Variants in CCDC62 observed in about 807,000 individuals in gnomAD.
CCDC62 encodes coiled-coil domain containing 62.
Under a neutral mutation model 80.8 loss-of-function variants are expected in CCDC62, and 72 were observed. That is an observed-to-expected ratio of 0.89 (90% CI 0.74 to 1.08). The LOEUF (loss-of-function observed/expected upper bound fraction) is 1.08. Among genes scored for constraint, CCDC62 ranks in the 50% least tolerant of loss-of-function variants. The probability of loss-of-function intolerance (pLI) is 0.00; values close to 1 mark genes in which losing one functional copy is unlikely to be tolerated. For missense variants in CCDC62, 704 were observed against 809.4 expected (o/e 0.87, Z 1.58); for synonymous variants, 286 against 296.5 (o/e 0.96, Z 0.36).
intron 6 of CCDC62, among the ~76,000 whole-genome samples, chr12:122,796,122 T>C (rs2030940197): frequency 6.6e-6 from 1 of 152,176 alleles, no homozygotes; most frequent in South Asian, 2.1e-4. Flanking sequence ...AAGTAGATTA[T>C]TCTGAAATCA....
At chr12:122,787,449 TCA>T (rs77955097) in intron 4 of CCDC62, among the ~76,000 whole-genome samples, 4 of 22,628 alleles carry the variant, frequency 1.8e-4, no homozygotes, top group African/African-American at 8.6e-4. Context: ...AGACTCTGTC[TCA>T]AAAAAAAAAA....
chr12:122,807,087 G>A (rs377369342), intron 10 of CCDC62, among the ~76,000 whole-genome samples: 1 of 151,986 alleles, frequency 6.6e-6, no homozygotes, highest in East Asian at 1.9e-4. Context: ...GAAAATGTGT[G>A]GCAAGGTACA....
At chr12:122,800,164 C>CTT (rs59113229) in intron 8 of CCDC62, among the ~76,000 whole-genome samples, 1,154 of 104,960 alleles carry the variant, frequency 0.011, 53 homozygotes, top group African/African-American at 0.037. Context: ...TGCCCGGCTA[C>CTT]TTTTTTTTTT....
At chr12:122,788,689 G>A in intron 4 of CCDC62, 69 bp from the exon 5 acceptor site, 1 of 990,652 alleles carries the variant, frequency 1.0e-6, no homozygotes. Context: ...AGATCTTAGT[G>A]TTATCTTTTC....
intron 6 of CCDC62, among the ~76,000 whole-genome samples, chr12:122,793,279 G>GT (rs1321047965): frequency 6.6e-6 from 1 of 152,034 alleles, no homozygotes; most frequent in Non-Finnish European, 1.5e-5. Flanking sequence ...CTGAGGGTAG[G>GT]TATCAGTAGA....
At chr12:122,791,081 G>C (rs1490165755) in intron 5 of CCDC62, among the ~76,000 whole-genome samples, 1 of 152,162 alleles carries the variant, frequency 6.6e-6, no homozygotes, top group Non-Finnish European at 1.5e-5. Flanking sequence ...TTCATCCTCA[G>C]TGCAGTAGCA....
At chr12:122,779,635 C>T (rs746106488) in intron 2 of CCDC62, among the ~76,000 whole-genome samples, 3 of 152,162 alleles carry the variant, frequency 2.0e-5, no homozygotes, top group South Asian at 4.1e-4. Flanking sequence ...AGGCCTGGCG[C>T]TGTGGCTCAC....
chr12:122,808,212 G>A (rs1462957474), intron 10 of CCDC62, among the ~76,000 whole-genome samples: 2 of 152,046 alleles, frequency 1.3e-5, no homozygotes, highest in East Asian at 3.9e-4. Context: ...CAGAAGAATT[G>A]CTTAAACCCG....
intron 11 of CCDC62, among the ~76,000 whole-genome samples, chr12:122,815,967 G>C (rs1156465289): frequency 6.6e-6 from 1 of 152,140 alleles, no homozygotes; most frequent in Non-Finnish European, 1.5e-5. Context: ...TTCTTGCTTA[G>C]TCCTTCAGAT....
chr12:122,792,835 C>T (rs1016292298), intron 6 of CCDC62, among the ~76,000 whole-genome samples: 1 of 152,070 alleles, frequency 6.6e-6, no homozygotes, highest in Non-Finnish European at 1.5e-5. Flanking sequence ...TTGTTTTTAA[C>T]ACCCTTTGTG....
In CCDC62 at chr12:122,827,438, T is replaced by TAAATG. The variant is rs1249578915; in HGVS notation, c.*1058_*1059insAATGA. 6.6e-6 allele frequency: 1 copy of TAAATG among 152,220 alleles called. No homozygotes were observed. Among genetic ancestry groups the TAAATG allele is most frequent in the African/African-American group, 2.4e-5 (1 of 41,456 alleles). 9.4% of individuals were successfully genotyped at this position (152,220 alleles called of 1,614,324 possible). A position where few individuals can be genotyped will look rare whatever the true frequency, so the allele number is the denominator to read the frequency against. ...ATGAGCGGGGAAGAGCCACCTCATT[T>TAAATG]AGCCTTTTTAATTAGGGTGCTGAAA... On this transcript the variant is annotated 3_prime_UTR_variant, in exon 13 of 13. Coordinates refer to ENST00000253079, the MANE Select transcript of CCDC62 (RefSeq NM_201435.5).
At chr12:122,779,239 T>G (rs1175365223) in intron 2 of CCDC62, among the ~76,000 whole-genome samples, 1 of 152,236 alleles carries the variant, frequency 6.6e-6, no homozygotes, top group Non-Finnish European at 1.5e-5. Context: ...ATTGAGATAC[T>G]ATTTTACCTT....
chr12:122,781,605 A>C (rs1185087854), intron 3 of CCDC62, among the ~76,000 whole-genome samples: 1 of 151,816 alleles, frequency 6.6e-6, no homozygotes, highest in East Asian at 1.9e-4. Context: ...GAATCGTTTG[A>C]ACCCGGGAGG....
intron 11 of CCDC62, among the ~76,000 whole-genome samples, chr12:122,823,106 G>T (rs1242888989): frequency 6.6e-6 from 1 of 152,138 alleles, no homozygotes; most frequent in Non-Finnish European, 1.5e-5. Flanking sequence ...AATTACAGGC[G>T]GGCGCCACGA....
chr12:122,777,904 G>A (rs1879581364), intron 2 of CCDC62, among the ~76,000 whole-genome samples: 1 of 152,158 alleles, frequency 6.6e-6, no homozygotes, highest in Non-Finnish European at 1.5e-5. Context: ...GGGGCTGGAT[G>A]GAGCTCCAGT....
Position 122,801,249 on chromosome 12 carries a change from C to T in CCDC62, c.1103C>T (p.Ser368Leu). 1 of 1,614,060 alleles carries T rather than the reference C, an allele frequency of 6.2e-7. No homozygotes were observed. Among genetic ancestry groups the T allele is most frequent in the Non-Finnish European group, 8.5e-7 (1 of 1,180,010 alleles). The change falls in exon 9 of 13, where the codon TCA (serine) becomes TTA (leucine). Residue 368 changes from serine to leucine, a missense_variant. Physicochemically the swap from Ser to Leu is moderately radical, Grantham distance 145. Coordinates refer to ENST00000253079, the MANE Select transcript of CCDC62 (RefSeq NM_201435.5). ...GCCATGTTGGTTCAGCAAAATAGGTCAGACAAGAGCTCTTGCGATGAATGC... is the reference window on the plus strand; with the variant it reads ...GCCATGTTGGTTCAGCAAAATAGGTTAGACAAGAGCTCTTGCGATGAATGC... ...FEAMLVQQNR[S>L]DKSSCDECKE...
chr12:122,778,782 G>A (rs701484), intron 2 of CCDC62, among the ~76,000 whole-genome samples: 123,759 of 151,922 alleles, frequency 0.81, 51,026 homozygotes, highest in Middle Eastern at 0.9. Context: ...AGGAGGCTGA[G>A]GCAGGAGAAT....
chr12:122,775,975 C>T (rs2135522203), intron 1 of CCDC62, among the ~76,000 whole-genome samples: 1 of 152,286 alleles, frequency 6.6e-6, no homozygotes, highest in Middle Eastern at 3.4e-3. Flanking sequence ...TACAAAGGGC[C>T]TCTGTTGAAC....
intron 6 of CCDC62, among the ~76,000 whole-genome samples, chr12:122,796,869 CACT>C: frequency 9.3e-6 from 1 of 107,350 alleles, no homozygotes; most frequent in Non-Finnish European, 1.9e-5. Flanking sequence ...ATCTACAAAT[CACT>C]TCTTCTTTTT....
Sources: gnomAD v4.1 joint callset for allele counts (sites outside exome capture counted in the v4.1 genomes callset) on GRCh38, gnomAD v4.1.1 for gene constraint, MANE v1.5 for transcripts, NCBI Gene and HGNC (gene_info 2026-07-23, HGNC 2026-07-21) for gene names.